The following SEMA4F variants were observed in gnomAD, a reference collection of about 807,000 sequenced individuals.
SEMA4F encodes semaphorin-4F.
In SEMA4F, 51 loss-of-function variants were observed where a neutral mutation model predicts 78.4. The ratio of observed to expected loss-of-function variants is 0.65; its 90% confidence interval spans 0.52 to 0.82. The LOEUF (loss-of-function observed/expected upper bound fraction) is 0.82, where lower values mean the gene tolerates loss of function less well. SEMA4F is among the 40% of genes least tolerant of loss of function. SEMA4F has a pLI of 0.00. For missense variants in SEMA4F, 938 were observed against 1,014.4 expected (o/e 0.92, Z 1.02); for synonymous variants, 418 against 408.7 (o/e 1.02, Z -0.27).
chr2:74,664,502 T>C (rs1684585838), intron 5 of SEMA4F, among the ~76,000 whole-genome samples: 1 of 151,978 alleles, frequency 6.6e-6, no homozygotes, highest in Admixed American at 6.5e-5. Flanking sequence ...TGGATTACTG[T>C]ATCAAAGGGT....
chr2:74,692,511 G>C, the SEMA4F span, among the ~76,000 whole-genome samples: 1 of 152,184 alleles, frequency 6.6e-6, no homozygotes. Flanking sequence ...ACTGCCACAG[G>C]GATCTCCAAA....
chr2:74,684,158 A>G (rs1034147628), downstream of SEMA4F, among the ~76,000 whole-genome samples: 2 of 151,798 alleles, frequency 1.3e-5, no homozygotes, highest in African/African-American at 4.8e-5. Flanking sequence ...TCATAGATTG[A>G]GATTGCCTTG....
chr2:74,670,350 C>T (rs1020441628), intron 5 of SEMA4F, among the ~76,000 whole-genome samples: 5 of 152,262 alleles, frequency 3.3e-5, no homozygotes, highest in Admixed American at 2.6e-4. Context: ...CCCCTTCGTA[C>T]TCTTAGGGCA....
intron 5 of SEMA4F, among the ~76,000 whole-genome samples, chr2:74,673,103 G>A (rs915440552): frequency 2.6e-5 from 4 of 152,084 alleles, no homozygotes; most frequent in Admixed American, 2.6e-4. Context: ...CAAAGCAAAT[G>A]CCCCTTTTGG....
Position 74,662,840 on chromosome 2 carries a change from A to T in SEMA4F, c.550+15A>T, listed in dbSNP as rs1342929611. On this transcript the variant is annotated intron_variant, in intron 5 of 13. Coordinates refer to ENST00000357877, the MANE Select transcript of SEMA4F (RefSeq NM_004263.5). ...TGTAATGGCTGGTGAGTGGGGAGAGACAAGAACCTGTAACTTCTTGCTAAT... is the reference window on the plus strand; with the variant it reads ...TGTAATGGCTGGTGAGTGGGGAGAGTCAAGAACCTGTAACTTCTTGCTAAT... 1.2e-6 allele frequency: 2 copies of T among 1,610,768 alleles called. No homozygotes were observed.
Position 74,679,822 on chromosome 2 carries a change from C to G in SEMA4F, c.1926C>G (p.Tyr642Ter). ...GGGCAGCCCATGTGGTAGCAGCTTA[C>G]AGCTTGGTATGGGGCAGCCAGCGAG... ...EGGAAHVVAA[Y>*]SLVWGSQRDA... Residue 642 changes from tyrosine (Y) to a stop codon, truncating the protein, a stop_gained, in exon 14 of 14, where the codon TAC becomes TAG. Transcript: ENST00000357877. LOFTEE classifies it high-confidence loss of function. 6.2e-7 allele frequency: 1 copy of G among 1,614,172 alleles called. No individual in the cohort carries two copies. Among genetic ancestry groups the G allele is most frequent in the African/African-American group, 1.3e-5 (1 of 75,062 alleles).
chr2:74,693,380 C>T, the SEMA4F span, among the ~76,000 whole-genome samples: 1 of 152,324 alleles, frequency 6.6e-6, no homozygotes, highest in African/African-American at 2.4e-5. Flanking sequence ...TGACTTGAAC[C>T]TGATTTTATA....
chr2:74,669,533 C>T (rs1369112274), intron 5 of SEMA4F, among the ~76,000 whole-genome samples: 5 of 151,132 alleles, frequency 3.3e-5, no homozygotes, highest in African/African-American at 4.9e-5. Flanking sequence ...TACAGTGAGC[C>T]GAGATAGCGC....
At chr2:74,663,299 G>A (rs1475938809) in intron 5 of SEMA4F, among the ~76,000 whole-genome samples, 1 of 152,196 alleles carries the variant, frequency 6.6e-6, no homozygotes, top group East Asian at 1.9e-4. Flanking sequence ...AATGTGACTA[G>A]TGTGACTGAA....
At position 74,682,889 on chromosome 2, in the gene SEMA4F, C is replaced by T. The variant is rs1363148088; in HGVS notation, c.*2680C>T. ...TAGGGATGGCCTCTTTACCCCAAAG[C>T]CTGCTGAAATTACTCAAACTAGCCA... On this transcript the variant is annotated 3_prime_UTR_variant, in exon 14 of 14. Transcript: ENST00000357877. 6.6e-6 allele frequency: 1 copy of T among 152,274 alleles called. No homozygotes were observed. The highest frequency in any genetic ancestry group is 1.5e-5 in the Non-Finnish European group (1 of 68,106). 9.4% of individuals were successfully genotyped at this position (152,274 alleles called of 1,614,324 possible).
At chr2:74,668,147 A>G (rs1050949439) in intron 5 of SEMA4F, among the ~76,000 whole-genome samples, 18 of 151,638 alleles carry the variant, frequency 1.2e-4, no homozygotes, top group African/African-American at 4.1e-4. Flanking sequence ...ATCACATCCT[A>G]TAATAGATAG....
chr2:74,661,125 G>A (rs1189163866), intron 4 of SEMA4F, among the ~76,000 whole-genome samples: 1 of 152,180 alleles, frequency 6.6e-6, no homozygotes, highest in African/African-American at 2.4e-5. Context: ...TGGTGCATAA[G>A]GGTTAAAGAG....
At chr2:74,695,492 T>C in the SEMA4F span, among the ~76,000 whole-genome samples, 1 of 152,186 alleles carries the variant, frequency 6.6e-6, no homozygotes, top group Non-Finnish European at 1.5e-5. Flanking sequence ...TACCCATGGA[T>C]TTCTGTTATC....
Position 74,658,053 on chromosome 2 carries a change from G to GCCCCCATC in SEMA4F, c.456+102_456+103insCCCCCATC. Reference sequence around the variant, plus strand: ...GGAAGGGTTTTCTGTGAGCGACCATGATGGGGGCATGGTCAAGGCAACCAT... The same window carrying GCCCCCATC: ...GGAAGGGTTTTCTGTGAGCGACCATGCCCCCATCATGGGGGCATGGTCAAGGCAACCAT... On this transcript the variant is annotated intron_variant, in intron 4 of 13. Coordinates refer to ENST00000357877, the MANE Select transcript of SEMA4F (RefSeq NM_004263.5). The surrounding 1 kb of genome is among the most constrained non-coding windows in gnomAD (Gnocchi z 4.3). 2.9e-6 allele frequency: 3 copies of GCCCCCATC among 1,038,118 alleles called. No homozygotes were observed. Among genetic ancestry groups the GCCCCCATC allele is most frequent in the Non-Finnish European group, 4.5e-6 (3 of 668,934 alleles). The allele number at this position is 1,038,118 out of a possible 1,614,324, so 64.3% of individuals were successfully genotyped here.
At chr2:74,661,113 A>G (rs766932230) in intron 4 of SEMA4F, among the ~76,000 whole-genome samples, 2 of 152,232 alleles carry the variant, frequency 1.3e-5, no homozygotes, top group Admixed American at 6.5e-5. Context: ...AAAAGTATCA[A>G]ATGGTGCATA....
the SEMA4F span, among the ~76,000 whole-genome samples, chr2:74,689,549 T>C: frequency 3.9e-5 from 6 of 152,216 alleles, no homozygotes; most frequent in Non-Finnish European, 8.8e-5. Context: ...AAAGACATAC[T>C]TCTAAAGATT....
chr2:74,659,431 C>A (rs902674336), intron 4 of SEMA4F, among the ~76,000 whole-genome samples: 1 of 152,126 alleles, frequency 6.6e-6, no homozygotes, highest in African/African-American at 2.4e-5. Context: ...TCTGGACATA[C>A]CTGTCAGGAT....
intron 5 of SEMA4F, among the ~76,000 whole-genome samples, chr2:74,663,988 C>A (rs363631): frequency 0.045 from 6,824 of 152,262 alleles, 541 homozygotes; most frequent in African/African-American, 0.16. Context: ...GAACAAGCTG[C>A]CTGTGATTCC....
chr2:74,686,126 G>A (rs1312338195), downstream of SEMA4F, among the ~76,000 whole-genome samples: 1 of 151,234 alleles, frequency 6.6e-6, no homozygotes, highest in Admixed American at 6.6e-5. Context: ...TTGAGACAGA[G>A]TCTTGCTGTG....
Sources: gnomAD v4.1 joint callset for allele counts (sites outside exome capture counted in the v4.1 genomes callset) on GRCh38, gnomAD v4.1.1 for gene constraint, Gnocchi (gnomAD v3.1) non-coding constraint, MANE v1.5 for transcripts, NCBI Gene and HGNC (gene_info 2026-07-23, HGNC 2026-07-21) for gene names.